Variants in HERC2 observed in about 807,000 individuals in gnomAD.
The protein encoded by HERC2 is E3 ubiquitin-protein ligase HERC2.
A neutral mutation model predicts 537.7 loss-of-function variants in HERC2; 102 were observed. The ratio of observed to expected loss-of-function variants is 0.19; its 90% CI spans 0.16 to 0.22. HERC2 has a LOEUF of 0.22. HERC2 is among the 10% of genes least tolerant of loss of function. HERC2 has a pLI of 1.00. For synonymous variants in HERC2, 2,224 were observed against 2,466.2 expected (o/e 0.90, Z 2.91); for missense variants, 4,236 against 6,198.2 (o/e 0.68, Z 10.63).
intron 78 of HERC2, 52 bp from the exon 79 acceptor site, chr15:28,135,744 T>C: frequency 7.8e-7 from 1 of 1,283,798 alleles, no homozygotes. Flanking sequence ...CAATATCCCC[T>C]AAATTTACTA....
At chr15:28,315,377 G>T (rs2077054069) in intron 2 of HERC2, among the ~76,000 whole-genome samples, 1 of 152,268 alleles carries the variant, frequency 6.6e-6, no homozygotes, top group Non-Finnish European at 1.5e-5. Context: ...TGGAGCCGAA[G>T]GGCGGCTCAC....
chr15:28,177,030 C>T lies in HERC2; in HGVS notation c.9352G>A (p.Gly3118Arg). The T allele has an allele frequency of 1.9e-6, 3 of 1,614,166 alleles. No homozygotes were observed. Among genetic ancestry groups the T allele is most frequent in the Non-Finnish European group, 2.5e-6 (3 of 1,180,020 alleles). ...SSHSAALTSS[G>R]ELYTWGLGEY... ...CCGAGGCCCCAGGTGTACAGTTCTC[C>T]GCTGGATGTGAGGGCTGCGCTGTGC... Residue 3118 changes from glycine to arginine, a missense_variant, in exon 61 of 93, where the codon GGA becomes AGA. Physicochemically the swap from Gly to Arg is moderately radical, Grantham distance 125. This residue lies in a region of HERC2 where 606 missense variants were observed against 884.5 expected (regional missense o/e 0.69). Coordinates refer to ENST00000261609, the MANE Select transcript of HERC2 (RefSeq NM_004667.6). This position sits in a 1 kb window ranked among gnomAD's most constrained non-coding sequence, Gnocchi z 5.0.
At chr15:28,220,907 C>T (rs1900460861) in intron 36 of HERC2, among the ~76,000 whole-genome samples, 1 of 141,538 alleles carries the variant, frequency 7.1e-6, no homozygotes, top group Non-Finnish European at 1.5e-5. Context: ...CATGCCCTGC[C>T]CTGGTCCTTC....
intron 65 of HERC2, 129 bp downstream of exon 65, chr15:28,174,264 CTG>C (rs1245283165): frequency 5.9e-6 from 4 of 673,018 alleles, no homozygotes; most frequent in African/African-American, 3.7e-5. Flanking sequence ...CATAATTCTT[CTG>C]TGTCTTTAGA....
At chr15:28,297,664 T>A (rs2076506084) in intron 3 of HERC2, among the ~76,000 whole-genome samples, 2 of 152,142 alleles carry the variant, frequency 1.3e-5, no homozygotes, top group South Asian at 4.1e-4. Flanking sequence ...GCGCAATTTG[T>A]CAAATGCTGG....
At chr15:28,267,112 G>T (rs148359600) in intron 12 of HERC2, among the ~76,000 whole-genome samples, 1 of 152,232 alleles carries the variant, frequency 6.6e-6, no homozygotes, top group African/African-American at 2.4e-5. Context: ...TCCTATGATG[G>T]ATGACATTTT....
At chr15:28,229,029 G>A (rs977234289) in intron 34 of HERC2, among the ~76,000 whole-genome samples, 166 bp downstream of exon 34, 4 of 152,172 alleles carry the variant, frequency 2.6e-5, no homozygotes, top group Non-Finnish European at 5.9e-5. Flanking sequence ...AAATTTTGAA[G>A]TTTTGTTTAA....
chr15:28,174,722 T>C (rs1895078049), intron 64 of HERC2, 102 bp from the exon 65 acceptor site: 1 of 939,062 alleles, frequency 1.1e-6, no homozygotes, highest in African/African-American at 1.7e-5. Flanking sequence ...GCCACGGTAG[T>C]TGAAAGAATT....
intron 8 of HERC2, 75 bp from the exon 9 acceptor site, chr15:28,272,461 C>A: frequency 7.5e-7 from 1 of 1,334,914 alleles, no homozygotes; most frequent in Non-Finnish European, 1.0e-6. Context: ...AAAATAAAAG[C>A]AAATAGCTGG....
At position 28,152,754 on chromosome 15, in the gene HERC2, G is replaced by A. The variant is rs1203209883; in HGVS notation, c.10823C>T (p.Ser3608Phe). The change falls in exon 70 of 93, where the codon TCT (serine) becomes TTT (phenylalanine). Residue 3608 changes from serine to phenylalanine, a missense_variant. Ser to Phe is a radical substitution (Grantham distance 155). Transcript: ENST00000261609. ...ACTCTCCACCACCACAGGCTGAGAA[G>A]AGAGGCGGCCGCTCTGCGAGTCTGT... ...VATDSQSGRLSSQPVVVESSH... is the reference protein window; with the variant it reads ...VATDSQSGRLFSQPVVVESSH... 2 of 1,552,670 alleles carry A rather than the reference G, an allele frequency of 1.3e-6. No homozygotes were observed. The highest frequency in any genetic ancestry group is 4.9e-5 in the East Asian group (2 of 40,966).
chr15:28,228,550 CGT>C lies in HERC2; in HGVS notation c.5273-143_5273-142del, dbSNP rs1257453811. The C allele has an allele frequency of 3.9e-5, 32 of 810,256 alleles. 2 individuals carry two copies. The Admixed American group carries it at 6.3e-4, about 16-fold the overall frequency. 50.2% of individuals were successfully genotyped at this position (810,256 alleles called of 1,614,324 possible). ...TCTTCTGCATGGATGCAAGAATAAA[CGT>C]AACGCAGAAAGCACGGGCGATTACT... is the stretch of plus-strand genomic sequence containing the variant. On this transcript the variant is annotated intron_variant, in intron 34 of 92. Coordinates refer to ENST00000261609, the MANE Select transcript of HERC2 (RefSeq NM_004667.6).
At chr15:28,201,319 G>A (rs1897883515) in intron 48 of HERC2, 137 bp downstream of exon 48, 1 of 651,634 alleles carries the variant, frequency 1.5e-6, no homozygotes, top group South Asian at 1.8e-5. Flanking sequence ...TCACTGGTCA[G>A]GTATGTCTTC....
intron 35 of HERC2, among the ~76,000 whole-genome samples, chr15:28,225,887 T>C (rs1901098481): frequency 6.6e-6 from 1 of 152,084 alleles, no homozygotes; most frequent in Non-Finnish European, 1.5e-5. Flanking sequence ...TTACCCGAAC[T>C]GACTCAAGAA....
rs1302568089 is a variant in HERC2 at position 28,229,559 on chromosome 15, G to A, written c.5021C>T (p.Thr1674Ile). 8 of 1,613,324 alleles carry A rather than the reference G, an allele frequency of 5.0e-6. No individual in the cohort carries two copies. Among genetic ancestry groups the A allele is most frequent in the Non-Finnish European group, 6.8e-6 (8 of 1,179,796 alleles). Residue 1674 changes from threonine to isoleucine, a missense_variant, in exon 33 of 93, where the codon ACA becomes ATA. Transcript: ENST00000261609. ...ATTCTTGCTCGCCAGTTTTAAAATT[G>A]TATCTATCCCTTCCAGGCGAACCTC... ...RAEVRLEGID[T>I]ILKLASKNFL...
intron 68 of HERC2, 34 bp from the exon 69 acceptor site, chr15:28,163,319 GA>G: frequency 6.3e-7 from 1 of 1,582,986 alleles, no homozygotes; most frequent in Non-Finnish European, 8.6e-7. Flanking sequence ...TTAACATGAG[GA>G]ATGATATGCT....
chr15:28,142,744 A>G (rs1891350716), intron 75 of HERC2, 83 bp downstream of exon 75: 1 of 1,511,596 alleles, frequency 6.6e-7, no homozygotes, highest in Non-Finnish European at 9.0e-7. Flanking sequence ...GGCCTAAAAC[A>G]CACACACTGC....
intron 83 of HERC2, among the ~76,000 whole-genome samples, chr15:28,126,057 GA>G (rs1263851389): frequency 5.3e-5 from 8 of 152,236 alleles, no homozygotes; most frequent in Non-Finnish European, 1.0e-4. Flanking sequence ...TGATCCACCT[GA>G]AAATCTATGT....
intron 17 of HERC2, 72 bp from the exon 18 acceptor site, chr15:28,256,389 G>A (rs2075262253): frequency 5.1e-6 from 5 of 973,080 alleles, no homozygotes; most frequent in Non-Finnish European, 7.5e-6. Context: ...ATTAAACACT[G>A]AATAAAAGTC....
intron 78 of HERC2, among the ~76,000 whole-genome samples, chr15:28,139,586 T>C (rs1235476262): frequency 2.0e-5 from 3 of 152,180 alleles, no homozygotes; most frequent in African/African-American, 7.2e-5. Flanking sequence ...ATAATAAATG[T>C]GTGTGAGACA....
Sources: allele counts gnomAD v4.1 joint callset (sites outside exome capture counted in the v4.1 genomes callset), GRCh38; gene constraint gnomAD v4.1.1; regional missense constraint gnomAD v4.1.1; non-coding constraint Gnocchi (gnomAD v3.1); transcripts MANE v1.5; gene names NCBI Gene and HGNC (gene_info 2026-07-23, HGNC 2026-07-21).